The following UCP3 variants were observed in gnomAD, a reference collection of about 807,000 sequenced individuals.
The protein encoded by UCP3 is putative mitochondrial transporter UCP3.
Under a neutral mutation model 28.1 loss-of-function variants are expected in UCP3, and 24 were observed. That is an observed-to-expected ratio of 0.85 (90% CI 0.62 to 1.20). The LOEUF (loss-of-function observed/expected upper bound fraction) is 1.20, where lower values mean the gene tolerates loss of function less well. Among genes scored for constraint, UCP3 ranks in the 50% most tolerant of loss-of-function variants. The probability of loss-of-function intolerance (pLI) is 0.00; values close to 1 mark genes in which losing one functional copy is unlikely to be tolerated. For missense variants in UCP3, 397 were observed against 422.2 expected (o/e 0.94, Z 0.52); for synonymous variants, 184 against 171.2 (o/e 1.07, Z -0.59).
intron 5 of UCP3, 142 bp from the exon 6 acceptor site, chr11:74,004,149 C>T (rs1393159771): frequency 1.4e-6 from 2 of 1,437,420 alleles, no homozygotes; most frequent in African/African-American, 1.4e-5. Flanking sequence ...CTGGGCTAAG[C>T]TCTTGGTAAG....
intron 4 of UCP3, among the ~76,000 whole-genome samples, chr11:74,004,795 T>C (rs1372515446): frequency 6.6e-6 from 1 of 152,186 alleles, no homozygotes; most frequent in African/African-American, 2.4e-5. Flanking sequence ...ATTATCCATG[T>C]TTTCCTCAGA....
intron 6 of UCP3, 189 bp downstream of exon 6, chr11:74,003,638 C>A: frequency 1.4e-6 from 2 of 1,416,400 alleles, no homozygotes; most frequent in Non-Finnish European, 1.8e-6. Flanking sequence ...TCAGGCTTCC[C>A]TAACCCTCCC....
Position 74,006,912 on chromosome 11 carries a change from C to T in UCP3, c.126+5G>A, listed in dbSNP as rs769726795. 26 of 1,614,064 alleles carry T rather than the reference C, an allele frequency of 1.6e-5. No homozygotes were observed. The highest frequency in any genetic ancestry group is 1.6e-4 in the Middle Eastern group (1 of 6,084). Reference sequence around the variant, plus strand: ...ATCAATGACCCTTGGCCAAAGGGCACCTACCTGCAGGCGGACCTTGGCTGT... The same window carrying T: ...ATCAATGACCCTTGGCCAAAGGGCATCTACCTGCAGGCGGACCTTGGCTGT... On this transcript the variant is annotated splice_donor_5th_base_variant and intron_variant, in intron 2 of 6. Transcript: ENST00000314032.
chr11:74,006,083 C>T lies in UCP3; in HGVS notation c.337+86G>A, dbSNP rs563431779. The T allele has an allele frequency of 2.5e-6, 4 of 1,580,586 alleles. No homozygotes were observed. In the South Asian group the frequency reaches 4.6e-5, roughly 18 times the overall value. The stretch of plus-strand genomic sequence containing the variant: ...GGTACCAGCTTCCCCCCGCCCCTGG[C>T]TCTGCCTCTGAGTCTAGACTTCCCT... On this transcript the variant is annotated intron_variant, in intron 3 of 6. Coordinates refer to ENST00000314032, the MANE Select transcript of UCP3 (RefSeq NM_003356.4).
intron 1 of UCP3, 37 bp from the exon 2 acceptor site, chr11:74,007,174 T>C (rs1182242290): frequency 5.7e-6 from 7 of 1,230,088 alleles, no homozygotes; most frequent in Admixed American, 4.9e-5. Context: ...GATGGAGTGA[T>C]GTCTGGCCTG....
In UCP3 at chr11:74,004,551, G is replaced by T. The variant is rs1459599751; in HGVS notation, c.576C>A (p.Val192=). The change falls in exon 5 of 7, where the codon GTC becomes GTA. Residue 192 remains valine, a synonymous_variant. Transcript: ENST00000314032. ...TLPNIMRNAI[V]NCAEVVTYDI... is the part of the protein sequence containing the mutation. ...CGTAGGTCACCACCTCAGCACAGTT[G>T]ACGATAGCATTCCTCATGATGTTGG... 1 of 1,613,864 alleles carries T rather than the reference G, an allele frequency of 6.2e-7. No homozygotes were observed. The highest frequency in any genetic ancestry group is 1.3e-5 in the African/African-American group (1 of 74,908).
At position 74,000,618 on chromosome 11, in the gene UCP3, T is replaced by C. The variant is rs1951615069; in HGVS notation, c.*794A>G. ...CGACAAAATCTCTCCCAAGGCATTGTCCTTGTAGTTAGATTTACACAGAGC... is the reference window on the plus strand; with the variant it reads ...CGACAAAATCTCTCCCAAGGCATTGCCCTTGTAGTTAGATTTACACAGAGC... On this transcript the variant is annotated 3_prime_UTR_variant, in exon 7 of 7. Transcript: ENST00000314032. The C allele has an allele frequency of 6.6e-6, 1 of 152,288 alleles. No homozygotes were observed. The highest frequency in any genetic ancestry group is 2.4e-5 in the African/African-American group (1 of 41,458). The allele number at this position is 152,288 out of a possible 1,614,324, so 9.4% of individuals were successfully genotyped here.
rs753185649 is a variant in UCP3, at chr11:74,007,028, C to T, written c.15G>A (p.Lys5=). The T allele has an allele frequency of 6.2e-7, 1 of 1,614,084 alleles. No homozygotes were observed. The part of the protein sequence containing the change: MVGL[K]PSDVPPTMAV... Reference sequence around the variant, plus strand: ...CCATGGTGGGAGGCACGTCTGAAGGCTTCAGTCCAACCATAGTCCTGGAAG... The same window carrying T: ...CCATGGTGGGAGGCACGTCTGAAGGTTTCAGTCCAACCATAGTCCTGGAAG... Residue 5 remains lysine, a synonymous_variant, in exon 2 of 7, where the codon AAG becomes AAA. Transcript: ENST00000314032.
chr11:74,004,704 C>T (rs1951647982), intron 4 of UCP3, 119 bp from the exon 5 acceptor site: 1 of 887,586 alleles, frequency 1.1e-6, no homozygotes, highest in South Asian at 1.6e-5. Context: ...CATAGTGCCC[C>T]ATTCCAATGG....
In UCP3 at chr11:74,004,421, C is replaced by T. The variant is rs1951643721; in HGVS notation, c.643+63G>A. ...AGTTGCCTCTGGGTGGTGCCCACTCCACGGAGTTCTGGGTTCCCTCCCTGC... is the reference window on the plus strand; with the variant it reads ...AGTTGCCTCTGGGTGGTGCCCACTCTACGGAGTTCTGGGTTCCCTCCCTGC... On this transcript the variant is annotated intron_variant, in intron 5 of 6. Coordinates refer to ENST00000314032, the MANE Select transcript of UCP3 (RefSeq NM_003356.4). 4.0e-6 allele frequency: 6 copies of T among 1,512,028 alleles called. No individual in the cohort carries two copies. The African/African-American group carries it at 8.3e-5, about 21-fold the overall frequency. 93.7% of individuals were successfully genotyped at this position (1,512,028 alleles called of 1,614,324 possible).
intron 6 of UCP3, 192 bp from the exon 7 acceptor site, chr11:74,001,718 AGG>A: frequency 3.4e-6 from 2 of 581,036 alleles, no homozygotes; most frequent in African/African-American, 2.2e-5. Flanking sequence ...AGTCGGAGTA[AGG>A]AAAAGAAAAA....
intron 2 of UCP3, 108 bp from the exon 3 acceptor site, chr11:74,006,487 A>G (rs1951668498): frequency 8.9e-7 from 1 of 1,118,098 alleles, no homozygotes; most frequent in Admixed American, 2.9e-5. Context: ...CCTGAGAACA[A>G]CCATGCTGGT....
intron 1 of UCP3, among the ~76,000 whole-genome samples, chr11:74,008,491 C>G (rs1460534176): frequency 6.6e-6 from 1 of 152,188 alleles, no homozygotes; most frequent in African/African-American, 2.4e-5. Context: ...ACTGAAGAAG[C>G]CGTCTGGGCA....
chr11:74,003,475 A>G, intron 6 of UCP3: 1 of 1,010,154 alleles, frequency 9.9e-7, no homozygotes, highest in Non-Finnish European at 1.2e-6. Flanking sequence ...AGTGCAAGAA[A>G]ACGTGGAGCG....
At chr11:74,005,961 T>C in intron 3 of UCP3, 28 bp from the exon 4 acceptor site, 1 of 1,612,510 alleles carries the variant, frequency 6.2e-7, no homozygotes, top group Non-Finnish European at 8.5e-7. Flanking sequence ...AGTGGGCCAG[T>C]GTCCCCTACT....
chr11:74,006,058 G>A (rs754797998), intron 3 of UCP3, 111 bp downstream of exon 3: 175 of 1,559,600 alleles, frequency 1.1e-4, no homozygotes, highest in Admixed American at 3.1e-4. Context: ...ATAAGCGTCC[G>A]GTACCAGCTT....
At chr11:74,007,246 C>CA in intron 1 of UCP3, 109 bp from the exon 2 acceptor site, 1 of 637,924 alleles carries the variant, frequency 1.6e-6, no homozygotes. Flanking sequence ...TGGGTGGTGC[C>CA]ATACTTAAGC....
intron 1 of UCP3, among the ~76,000 whole-genome samples, 158 bp downstream of exon 1, chr11:74,008,820 A>T (rs567929397): frequency 6.6e-6 from 1 of 152,096 alleles, no homozygotes; most frequent in African/African-American, 2.4e-5. Context: ...CCCTTTTCAT[A>T]AGGTGGCGGC....
In UCP3 at chr11:74,006,028, T is replaced by G. The variant is rs950168324; in HGVS notation, c.338-95A>C. ...GGGGCTGCCCCTGCAGCTTCCTTGA[T>G]GTCCACTCAGAGCCTCCTCATAAGC... On this transcript the variant is annotated intron_variant, in intron 3 of 6. Transcript: ENST00000314032. 10 of 1,566,000 alleles carry G rather than the reference T, an allele frequency of 6.4e-6. No homozygotes were observed. The African/African-American group carries it at 1.4e-4, about 21-fold the overall frequency.
Sources: gnomAD v4.1 joint callset for allele counts (sites outside exome capture counted in the v4.1 genomes callset) on GRCh38, gnomAD v4.1.1 for gene constraint, MANE v1.5 for transcripts, NCBI Gene and HGNC (gene_info 2026-07-23, HGNC 2026-07-21) for gene names.